RGS3: variants seen among roughly 807,000 people sequenced by gnomAD.
The protein encoded by RGS3 is regulator of G protein signaling 3.
Under a neutral mutation model 132.6 loss-of-function variants are expected in RGS3, and 80 were observed. The observed-to-expected ratio is 0.60, with a 90% CI of 0.50 to 0.73. The LOEUF (loss-of-function observed/expected upper bound fraction) is 0.73. Among genes scored for constraint, RGS3 ranks in the 30% least tolerant of loss-of-function variants. The pLI is 0.00. For missense variants in RGS3, 1,382 were observed against 1,530.8 expected (o/e 0.90, Z 1.62); for synonymous variants, 598 against 620.6 (o/e 0.96, Z 0.54).
At chr9:113,493,799 T>C (rs140670704) in intron 7 of RGS3, among the ~76,000 whole-genome samples, 70 of 152,268 alleles carry the variant, frequency 4.6e-4, no homozygotes, top group Non-Finnish European at 9.1e-4. Context: ...CTGGAGCATA[T>C]ACCTCAGACA....
At chr9:113,590,822 G>C (rs757558002) in intron 20 of RGS3, among the ~76,000 whole-genome samples, 2 of 152,150 alleles carry the variant, frequency 1.3e-5, no homozygotes, top group African/African-American at 4.8e-5. Context: ...AGGGCACTAG[G>C]GAGCCATGGA....
chr9:113,500,153 A>AT (rs1201641790), intron 10 of RGS3, among the ~76,000 whole-genome samples: 6 of 152,068 alleles, frequency 3.9e-5, no homozygotes, highest in African/African-American at 1.4e-4. Context: ...GGTGCACTGG[A>AT]TTTTCCTGAA....
At chr9:113,562,529 T>C (rs983602255) in intron 19 of RGS3, among the ~76,000 whole-genome samples, 4 of 149,366 alleles carry the variant, frequency 2.7e-5, no homozygotes, top group Admixed American at 1.3e-4. Context: ...GAGGATTCAA[T>C]CAATCAGTCC....
At chr9:113,459,913 A>C (rs185681351), upstream of RGS3, among the ~76,000 whole-genome samples, 1,014 of 151,490 alleles carry the variant, frequency 6.7e-3, 42 homozygotes, top group Admixed American at 0.06. Flanking sequence ...GGTAGTGTAC[A>C]CCTGTAATCT....
At chr9:113,532,544 G>A (rs967500019) in intron 18 of RGS3, among the ~76,000 whole-genome samples, 5 of 152,140 alleles carry the variant, frequency 3.3e-5, no homozygotes, top group African/African-American at 1.2e-4. Context: ...CAGGCAATAC[G>A]GTCACCATCT....
intron 3 of RGS3, among the ~76,000 whole-genome samples, chr9:113,477,606 T>G (rs1178361516): frequency 1.3e-5 from 2 of 152,152 alleles, no homozygotes; most frequent in Admixed American, 1.3e-4. Flanking sequence ...GATGTCTCAC[T>G]GTGCTGTGAG....
chr9:113,501,565 G>A, intron 10 of RGS3: 1 of 1,546,820 alleles, frequency 6.5e-7, no homozygotes, highest in East Asian at 2.3e-5. Context: ...AGCCGAGGCA[G>A]GACCCGCAGC....
chr9:113,556,171 T>C (rs1375683241), intron 19 of RGS3, among the ~76,000 whole-genome samples: 1 of 152,204 alleles, frequency 6.6e-6, no homozygotes, highest in Non-Finnish European at 1.5e-5. Flanking sequence ...AAAATTTATT[T>C]ATGGAAACAA....
chr9:113,560,112 C>A (rs1052507239), intron 19 of RGS3, among the ~76,000 whole-genome samples: 11 of 152,188 alleles, frequency 7.2e-5, no homozygotes, highest in Admixed American at 7.2e-4. Flanking sequence ...AGACTGTGCT[C>A]TCTCTAAATT....
chr9:113,548,876 G>A (rs1284722917), intron 19 of RGS3, among the ~76,000 whole-genome samples: 1 of 152,214 alleles, frequency 6.6e-6, no homozygotes, highest in East Asian at 1.9e-4. Flanking sequence ...CCTGGGACCG[G>A]ATGTGGTCAG....
rs1224125484 is a variant in RGS3 at position 113,463,803 on chromosome 9, A to T, written c.415+1602A>T. The stretch of plus-strand genomic sequence containing the variant: ...CCTGTCCGGGTCGCAGTGGGACGCC[A>T]TGGAGCGCTCCCTGCACCGCGTCTC... On this transcript the variant is annotated intron_variant, in intron 3 of 24. Transcript: ENST00000350696. This position sits in a 1 kb window ranked among gnomAD's most constrained non-coding sequence, Gnocchi z 4.6. 6.2e-7 allele frequency: 1 copy of T among 1,610,594 alleles called. No individual in the cohort carries two copies. Among genetic ancestry groups the T allele is most frequent in the East Asian group, 2.2e-5 (1 of 44,682 alleles).
intron 1 of RGS3, among the ~76,000 whole-genome samples, chr9:113,449,242 C>T (rs1829186239): frequency 6.6e-6 from 1 of 151,862 alleles, no homozygotes; most frequent in South Asian, 2.1e-4. Context: ...ATGTAGATGT[C>T]AATAAGAATG....
chr9:113,591,861 TCCC>T lies in RGS3; in HGVS notation c.3080+465_3080+467del. 5.9e-6 allele frequency: 1 copy of T among 170,884 alleles called. No individual in the cohort carries two copies. Among genetic ancestry groups the T allele is most frequent in the Non-Finnish European group, 1.3e-5 (1 of 77,362 alleles). The allele number at this position is 170,884 out of a possible 1,614,324, so 10.6% of individuals were successfully genotyped here. On this transcript the variant is annotated intron_variant, in intron 21 of 24. Transcript: ENST00000350696. The surrounding 1 kb of genome is among the most constrained non-coding windows in gnomAD (Gnocchi z 4.4). Reference sequence around the variant, plus strand: ...GGGCGCTGCTGGCCCAGCTGCCGAATCCCGCACTCGCCAAGCCTTTCTGGCCAC... The same window carrying T: ...GGGCGCTGCTGGCCCAGCTGCCGAATGCACTCGCCAAGCCTTTCTGGCCAC...
intron 3 of RGS3, among the ~76,000 whole-genome samples, chr9:113,478,131 G>A (rs1303631413): frequency 6.6e-6 from 1 of 152,014 alleles, no homozygotes; most frequent in Non-Finnish European, 1.5e-5. Flanking sequence ...AAAAGCCAGG[G>A]GATAAACCTC....
Position 113,463,761 on chromosome 9 carries a change from C to T in RGS3, c.415+1560C>T. On this transcript the variant is annotated intron_variant, in intron 3 of 24. Coordinates refer to ENST00000350696, the Ensembl canonical transcript of RGS3. This position sits in a 1 kb window ranked among gnomAD's most constrained non-coding sequence, Gnocchi z 4.6. Reference sequence around the variant, plus strand: ...GGTTACTGGGGAGCAACACAGCCGCCTCGGGTTGCAGACGCTCCTGTCCGG... The same window carrying T: ...GGTTACTGGGGAGCAACACAGCCGCTTCGGGTTGCAGACGCTCCTGTCCGG... 1 of 1,574,468 alleles carries T rather than the reference C, an allele frequency of 6.4e-7. No individual in the cohort carries two copies. Among genetic ancestry groups the T allele is most frequent in the Non-Finnish European group, 8.6e-7 (1 of 1,161,950 alleles).
chr9:113,450,307 G>A lies in RGS3; in HGVS notation c.-13+5380G>A, dbSNP rs1045405957. Among the ~76,000 whole-genome samples, 5 of 150,812 alleles carry A rather than the reference G, an allele frequency of 3.3e-5. No homozygotes were observed. In the South Asian group the frequency reaches 8.4e-4, roughly 25 times the overall value. ...AGAATGGTCTCGATCTCCTGACCTC[G>A]TGATCCACCCGCCTTGGCCTCCCAA... On this transcript the variant is annotated intron_variant, in intron 1 of 25. Coordinates refer to the RGS3 transcript ENST00000374140.
intron 7 of RGS3, among the ~76,000 whole-genome samples, chr9:113,488,893 A>T (rs1198216298): frequency 6.6e-6 from 1 of 152,224 alleles, no homozygotes; most frequent in East Asian, 1.9e-4. Context: ...TGGAGGAGGC[A>T]GACAGAGTGA....
chr9:113,568,781 G>C (rs1314519302), intron 19 of RGS3, among the ~76,000 whole-genome samples: 1 of 152,254 alleles, frequency 6.6e-6, no homozygotes, highest in African/African-American at 2.4e-5. Context: ...GCCTGGAGAA[G>C]CTGGAGCCAC....
In RGS3 at chr9:113,565,288, CCA is replaced by C. The variant is rs766050919; in HGVS notation, c.2038-18159_2038-18158del. 7.8e-7 allele frequency: 1 copy of C among 1,289,582 alleles called. No homozygotes were observed. Among genetic ancestry groups the C allele is most frequent in the South Asian group, 1.2e-5 (1 of 81,024 alleles). The allele number at this position is 1,289,582 out of a possible 1,614,324, so 79.9% of individuals were successfully genotyped here. A position where few individuals can be genotyped will look rare whatever the true frequency, so the allele number is the denominator to read the frequency against. ...TCTCGGATGAAAGTGCTTTGAGAAA[CCA>C]CAGAGTTTTCTGTTTAATGGAAGAA... On this transcript the variant is annotated intron_variant, in intron 19 of 24. Transcript: ENST00000350696. This position sits in a 1 kb window ranked among gnomAD's most constrained non-coding sequence, Gnocchi z 5.7.
Sources: allele counts gnomAD v4.1 joint callset (sites outside exome capture counted in the v4.1 genomes callset), GRCh38; gene constraint gnomAD v4.1.1; non-coding constraint Gnocchi (gnomAD v3.1); transcripts MANE v1.5; gene names NCBI Gene and HGNC (gene_info 2026-07-23, HGNC 2026-07-21).